Variants in TRHDE observed in about 807,000 individuals in gnomAD.
TRHDE encodes thyrotropin-releasing hormone-degrading ectoenzyme.
Under a neutral mutation model 125.7 loss-of-function variants are expected in TRHDE, and 72 were observed. The ratio of observed to expected loss-of-function variants is 0.57; its 90% CI spans 0.47 to 0.70. TRHDE has a LOEUF of 0.70. Among genes scored for constraint, TRHDE ranks in the 30% least tolerant of loss-of-function variants. The pLI is 0.00. For synonymous variants in TRHDE, 509 were observed against 509.1 expected (o/e 1.00, Z 0.00); for missense variants, 1,110 against 1,327.1 (o/e 0.84, Z 2.54).
At chr12:72,397,195 A>G (rs1292368261) in intron 3 of TRHDE, among the ~76,000 whole-genome samples, 1 of 152,228 alleles carries the variant, frequency 6.6e-6, no homozygotes, top group African/African-American at 2.4e-5. Context: ...TCCTTGATTC[A>G]TATTTCCTGT....
intron 5 of TRHDE, among the ~76,000 whole-genome samples, chr12:72,479,487 A>G (rs1257469492): frequency 1.3e-5 from 2 of 152,096 alleles, no homozygotes; most frequent in African/African-American, 4.8e-5. Context: ...GTATTCGTGT[A>G]TATTCACTGT....
At chr12:72,257,883 A>C (rs1760037564) in intron 2 of TRHDE, 1 of 152,188 alleles carries the variant, frequency 6.6e-6, no homozygotes, top group East Asian at 1.9e-4. Flanking sequence ...GAGTTTGAAT[A>C]CTTTAGATTA....
At chr12:72,394,910 TC>T (rs780108772) in intron 3 of TRHDE, among the ~76,000 whole-genome samples, 35 of 152,208 alleles carry the variant, frequency 2.3e-4, no homozygotes, top group Non-Finnish European at 4.3e-4. Flanking sequence ...AATGGTGTTT[TC>T]TTAAATGTCT....
intron 2 of TRHDE, among the ~76,000 whole-genome samples, chr12:72,364,123 G>T (rs1315140441): frequency 6.6e-6 from 1 of 152,008 alleles, no homozygotes; most frequent in African/African-American, 2.4e-5. Context: ...AATAAAAGAG[G>T]ATACAAACAA....
intron 2 of TRHDE, among the ~76,000 whole-genome samples, chr12:72,244,035 A>T (rs1379968253): frequency 1.3e-5 from 2 of 152,176 alleles, no homozygotes; most frequent in East Asian, 3.8e-4. Flanking sequence ...GTTCATGTAG[A>T]CTACATCATA....
chr12:72,341,033 C>A (rs972203137), intron 2 of TRHDE, among the ~76,000 whole-genome samples: 22 of 151,952 alleles, frequency 1.4e-4, no homozygotes, highest in African/African-American at 5.3e-4. Context: ...AGCTGAGTGA[C>A]CCACAGCTGA....
At chr12:72,098,880 C>T (rs1183135589) in intron 1 of TRHDE, among the ~76,000 whole-genome samples, 1 of 152,146 alleles carries the variant, frequency 6.6e-6, no homozygotes, top group Non-Finnish European at 1.5e-5. Context: ...AAGAATAAAT[C>T]ACTGTCTGGG....
intron 6 of TRHDE, among the ~76,000 whole-genome samples, chr12:72,507,930 A>T (rs932431785): frequency 3.9e-5 from 6 of 152,228 alleles, no homozygotes; most frequent in African/African-American, 1.4e-4. Flanking sequence ...GCAGTGGCTA[A>T]AAGGGGCCAA....
intron 6 of TRHDE, among the ~76,000 whole-genome samples, chr12:72,529,820 T>C (rs1868449196): frequency 1.3e-5 from 2 of 152,174 alleles, no homozygotes; most frequent in Admixed American, 6.6e-5. Flanking sequence ...CACATTCTGT[T>C]ATCCCTCCTC....
At chr12:72,532,501 C>T (rs1411558259) in intron 6 of TRHDE, among the ~76,000 whole-genome samples, 1 of 151,066 alleles carries the variant, frequency 6.6e-6, no homozygotes, top group African/African-American at 2.4e-5. Context: ...AAGAAGAATG[C>T]ATCTCATGTT....
At chr12:72,131,195 C>T (rs974895988) in intron 2 of TRHDE, among the ~76,000 whole-genome samples, 1 of 151,192 alleles carries the variant, frequency 6.6e-6, no homozygotes, top group Non-Finnish European at 1.5e-5. Context: ...CCTCAGCCTC[C>T]GGAGTAGCTG....
chr12:72,353,038 T>C (rs1870654669), intron 2 of TRHDE, among the ~76,000 whole-genome samples: 1 of 151,632 alleles, frequency 6.6e-6, no homozygotes, highest in Non-Finnish European at 1.5e-5. Flanking sequence ...ATACAATTGT[T>C]TAATTTTTCC....
chr12:72,595,118 T>TGGGGGGA (rs1391799476), intron 12 of TRHDE, among the ~76,000 whole-genome samples: 1 of 53,550 alleles, frequency 1.9e-5, no homozygotes, highest in Non-Finnish European at 3.4e-5. Context: ...TGTTGTGGGG[T>TGGGGGGA]GGGGGGAGGG....
chr12:72,177,006 C>T lies in TRHDE; in HGVS notation n.279+71254C>T, dbSNP rs188527644. Among the ~76,000 whole-genome samples, 44 of 151,870 alleles carry T rather than the reference C, an allele frequency of 2.9e-4. No individual in the cohort carries two copies. The Middle Eastern group carries it at 0.01, about 35-fold the overall frequency. ...GCTAGGGCAGCCCAATAGATCATGA[C>T]GACAAGTGAGCGGTGATATTCTTGG... On this transcript the variant is annotated intron_variant and non_coding_transcript_variant, in intron 2 of 4. Coordinates refer to the TRHDE transcript ENST00000548156.
At chr12:72,326,153 A>AT (rs1443766037) in intron 2 of TRHDE, among the ~76,000 whole-genome samples, 1 of 152,216 alleles carries the variant, frequency 6.6e-6, no homozygotes, top group African/African-American at 2.4e-5. Flanking sequence ...AAGGACACCT[A>AT]TACCTTCAAA....
At chr12:72,633,832 T>G (rs780716050) in intron 15 of TRHDE, among the ~76,000 whole-genome samples, 1 of 152,148 alleles carries the variant, frequency 6.6e-6, no homozygotes, top group South Asian at 2.1e-4. Context: ...TTGAGACATA[T>G]TATCAATCAT....
rs141929013 is a variant in TRHDE at position 72,103,669 on chromosome 12, G to T, written n.175-1979G>T. ...GCTGGCCTTCCCCATTACAGTATAA[G>T]TTCTTTAAGGGCAAATGGTCTTAGT... On this transcript the variant is annotated intron_variant and non_coding_transcript_variant, in intron 1 of 4. Coordinates refer to the TRHDE transcript ENST00000548156. 4.2e-3 allele frequency among the ~76,000 whole-genome samples: 640 copies of T among 152,200 alleles called. 1 individual carries two copies. The highest frequency in any genetic ancestry group is 0.014 in the African/African-American group (601 of 41,510).
chr12:72,376,812 A>C (rs898372266), intron 2 of TRHDE, among the ~76,000 whole-genome samples: 1 of 152,088 alleles, frequency 6.6e-6, no homozygotes, highest in African/African-American at 2.4e-5. Context: ...TAAATATTCA[A>C]TGAGTACAAA....
At chr12:72,382,338 AG>A (rs1252880910) in intron 3 of TRHDE, among the ~76,000 whole-genome samples, 1 of 147,736 alleles carries the variant, frequency 6.8e-6, no homozygotes, top group Non-Finnish European at 1.5e-5. Flanking sequence ...GGGGTTGGGG[AG>A]GGGGGGACAG....
Sources: allele counts gnomAD v4.1 joint callset (sites outside exome capture counted in the v4.1 genomes callset), GRCh38; gene constraint gnomAD v4.1.1; transcripts MANE v1.5; gene names NCBI Gene and HGNC (gene_info 2026-07-23, HGNC 2026-07-21).